CDK14: variants seen among roughly 807,000 people sequenced by gnomAD.
CDK14 encodes cyclin dependent kinase 14.
A neutral mutation model predicts 60.7 loss-of-function variants in CDK14; 34 were observed. The observed-to-expected ratio is 0.56, with a 90% confidence interval of 0.43 to 0.75. The LOEUF (loss-of-function observed/expected upper bound fraction) is 0.75. Ranked by LOEUF, CDK14 falls within the 30% of genes least tolerant of loss-of-function variation. The pLI is 0.00. For synonymous variants in CDK14, 197 were observed against 203.7 expected (o/e 0.97, Z 0.28); for missense variants, 482 against 564.1 (o/e 0.85, Z 1.47).
rs536411161 is a variant in CDK14, at chr7:91,171,551, T to C, written c.*29-35614T>C. Among the ~76,000 whole-genome samples the C allele has an allele frequency of 3.9e-5, 6 of 152,294 alleles. No individual in the cohort carries two copies. In the South Asian group the frequency reaches 1.0e-3, roughly 26 times the overall value. ...GCACATAAAAACACATGGAAATAAC[T>C]TTCTTGACACTACATAATTTGAGGC... On this transcript the variant is annotated intron_variant, in intron 14 of 14. Coordinates refer to ENST00000380050, the MANE Select transcript of CDK14 (RefSeq NM_001287135.2).
At chr7:90,608,919 A>T (rs1028591001) in intron 2 of CDK14, among the ~76,000 whole-genome samples, 1 of 152,218 alleles carries the variant, frequency 6.6e-6, no homozygotes, top group African/African-American at 2.4e-5. Context: ...ATTTAGTATA[A>T]CAATTCTGTT....
chr7:91,062,930 C>T (rs1274555473), intron 11 of CDK14, among the ~76,000 whole-genome samples: 1 of 152,144 alleles, frequency 6.6e-6, no homozygotes, highest in Non-Finnish European at 1.5e-5. Flanking sequence ...TTTGGAGTGG[C>T]AACTATGGAA....
intron 14 of CDK14, among the ~76,000 whole-genome samples, chr7:91,126,154 A>C (rs997740003): frequency 6.6e-6 from 1 of 152,164 alleles, no homozygotes; most frequent in Non-Finnish European, 1.5e-5. Flanking sequence ...ATTCTTCCTA[A>C]AATAATAGGG....
At chr7:90,686,385 A>G (rs1801436852) in intron 2 of CDK14, among the ~76,000 whole-genome samples, 1 of 152,202 alleles carries the variant, frequency 6.6e-6, no homozygotes, top group South Asian at 2.1e-4. Flanking sequence ...GTCTTGGATC[A>G]TTACCATGTC....
At chr7:91,139,466 C>T (rs1375777590) in intron 14 of CDK14, among the ~76,000 whole-genome samples, 2 of 152,170 alleles carry the variant, frequency 1.3e-5, no homozygotes, top group Non-Finnish European at 2.9e-5. Context: ...AGTCACTGCT[C>T]CTCAGATCCC....
chr7:91,173,393 A>G (rs1009387851), intron 14 of CDK14, among the ~76,000 whole-genome samples: 1 of 151,860 alleles, frequency 6.6e-6, no homozygotes, highest in Non-Finnish European at 1.5e-5. Flanking sequence ...CAGGAATTCA[A>G]GACCAGCCTG....
rs752283280 is a variant in CDK14, at chr7:91,165,613, A to G, written c.*29-41552A>G. Among the ~76,000 whole-genome samples the G allele has an allele frequency of 5.4e-4, 82 of 152,234 alleles. 2 individuals are homozygous for G. The highest frequency in any genetic ancestry group is 9.8e-4 in the Admixed American group (15 of 15,284). Reference sequence around the variant, plus strand: ...ATCACATTCCACCGAGTAAAATCATAGAGCAGAAACACCAAGAAAGTGGAC... The same window carrying G: ...ATCACATTCCACCGAGTAAAATCATGGAGCAGAAACACCAAGAAAGTGGAC... On this transcript the variant is annotated intron_variant, in intron 14 of 14. Transcript: ENST00000380050.
intron 10 of CDK14, among the ~76,000 whole-genome samples, chr7:90,998,851 T>A (rs1008445969): frequency 6.6e-6 from 1 of 152,150 alleles, no homozygotes; most frequent in African/African-American, 2.4e-5. Flanking sequence ...ATCGCGCCAC[T>A]GCACTCCAGC....
At chr7:90,755,809 T>G (rs1317869020) in intron 4 of CDK14, among the ~76,000 whole-genome samples, 2 of 152,154 alleles carry the variant, frequency 1.3e-5, no homozygotes, top group Non-Finnish European at 2.9e-5. Context: ...TTTTCTTTCC[T>G]AAAGAAAAAT....
At chr7:90,946,215 A>G (rs1322608072) in intron 8 of CDK14, among the ~76,000 whole-genome samples, 1 of 152,214 alleles carries the variant, frequency 6.6e-6, no homozygotes, top group Non-Finnish European at 1.5e-5. Context: ...TGATTGTGGT[A>G]TGTATTTATT....
intron 2 of CDK14, among the ~76,000 whole-genome samples, chr7:90,681,441 G>T (rs1801315430): frequency 1.3e-5 from 2 of 152,148 alleles, no homozygotes; most frequent in Admixed American, 6.6e-5. Flanking sequence ...CCATTTAACA[G>T]ACTCATGGGA....
intron 8 of CDK14, among the ~76,000 whole-genome samples, chr7:90,925,239 G>A (rs1372148521): frequency 6.6e-6 from 1 of 152,134 alleles, no homozygotes; most frequent in Non-Finnish European, 1.5e-5. Flanking sequence ...AGATTGAAGT[G>A]TTCATTCCAG....
chr7:91,135,723 A>G (rs376790259), intron 14 of CDK14, among the ~76,000 whole-genome samples: 1 of 152,188 alleles, frequency 6.6e-6, no homozygotes, highest in South Asian at 2.1e-4. Flanking sequence ...TTTGCACACT[A>G]TTGTCTGTTT....
intron 4 of CDK14, among the ~76,000 whole-genome samples, chr7:90,780,717 A>G (rs910531041): frequency 3.3e-5 from 5 of 151,958 alleles, no homozygotes; most frequent in Admixed American, 2.0e-4. Flanking sequence ...CCATGTCCCT[A>G]CAAAGAACAT....
intron 5 of CDK14, among the ~76,000 whole-genome samples, chr7:90,849,775 G>T (rs1422501814): frequency 6.6e-6 from 1 of 151,986 alleles, no homozygotes; most frequent in African/African-American, 2.4e-5. Context: ...ACTGCACAGG[G>T]TACTTAAACC....
At chr7:91,156,813 T>C (rs1045265960) in intron 14 of CDK14, among the ~76,000 whole-genome samples, 1 of 152,224 alleles carries the variant, frequency 6.6e-6, no homozygotes, top group African/African-American at 2.4e-5. Context: ...GGTCCACACT[T>C]GGAGCATGAG....
chr7:90,618,606 GA>G (rs1799700752), intron 2 of CDK14, among the ~76,000 whole-genome samples: 1 of 152,116 alleles, frequency 6.6e-6, no homozygotes, highest in Non-Finnish European at 1.5e-5. Context: ...GCAGGCAAGG[GA>G]AGATGAAGGG....
chr7:90,639,166 G>C (rs1399937400), intron 2 of CDK14, among the ~76,000 whole-genome samples: 1 of 152,176 alleles, frequency 6.6e-6, no homozygotes, highest in Non-Finnish European at 1.5e-5. Context: ...TTGATCTGTT[G>C]CTGGTGAGGA....
rs1563030023 is a variant in CDK14, at chr7:90,649,359, TC to T, written c.123+45112del. On this transcript the variant is annotated intron_variant, in intron 2 of 14. Coordinates refer to ENST00000380050, the MANE Select transcript of CDK14 (RefSeq NM_001287135.2). ...TTCCTTCCTTCCTTCCTTCCTTCCT[TC>T]CTTCCTTTCCTTCCTTCCTTCCTTC... Among the ~76,000 whole-genome samples the T allele has an allele frequency of 5.4e-4, 23 of 42,908 alleles. 1 individual carries two copies. The East Asian group carries it at 6.5e-3, about 12-fold the overall frequency. 28.1% of individuals were successfully genotyped at this position (42,908 alleles called of 152,430 possible). A position where few individuals can be genotyped will look rare whatever the true frequency, so the allele number is the denominator to read the frequency against.
Sources: allele counts gnomAD v4.1 joint callset (sites outside exome capture counted in the v4.1 genomes callset), GRCh38; gene constraint gnomAD v4.1.1; transcripts MANE v1.5; gene names NCBI Gene and HGNC (gene_info 2026-07-23, HGNC 2026-07-21).